Variants in ZNF544 observed in about 807,000 individuals in gnomAD.
ZNF544 encodes the protein zinc finger protein AF020591.
ZNF544 carries 10 observed loss-of-function variants against 13.5 expected under a neutral mutation model. The observed-to-expected ratio is 0.74, with a 90% CI of 0.46 to 1.25. The LOEUF (loss-of-function observed/expected upper bound fraction) is 1.25, where lower values mean the gene tolerates loss of function less well. Ranked by LOEUF, ZNF544 falls within the 50% of genes most tolerant of loss-of-function variation. The pLI, the probability that ZNF544 is intolerant of heterozygous loss-of-function variation, is 0.00. For synonymous variants in ZNF544, 323 were observed against 300.5 expected, an observed-to-expected ratio of 1.07 and a Z score of -0.77; for missense variants, 896 against 845.6, an observed-to-expected ratio of 1.06 and a Z score of -0.74.
Position 58,241,945 on chromosome 19 carries a change from T to TCTC in ZNF544, c.-59-2020_-59-2019insCTC, listed in dbSNP as rs1332683419. Among the ~76,000 whole-genome samples the TCTC allele has an allele frequency of 1.6e-4, 20 of 128,082 alleles. No individual in the cohort carries two copies. In the East Asian group the frequency reaches 6.7e-3, roughly 43 times the overall value. The allele number at this position is 128,082 out of a possible 152,430, so 84.0% of individuals were successfully genotyped here. The stretch of plus-strand genomic sequence containing the variant: ...CTTCTCTCTCTCTCTCTCTCTCTCT[T>TCTC]TGTGCTTGTTCTTGGAGGACTTGAG... On this transcript the variant is annotated intron_variant, in intron 3 of 6. Coordinates refer to ENST00000687789, the MANE Select transcript of ZNF544 (RefSeq NM_014480.4).
At position 58,261,392 on chromosome 19, in the gene ZNF544, A is replaced by G; in HGVS notation, c.786A>G (p.Arg262=). ...GTTCCTCCCTTTGTTTTCATGGTAG[A>G]ACTTTTTCAGTGAAGAAAAGTGATG... The part of the protein sequence containing the change: ...NYGSSLCFHG[R]TFSVKKSDDC... Residue 262 remains arginine (R), a synonymous_variant, in exon 7 of 7, where the codon AGA becomes AGG. Coordinates refer to ENST00000687789, the MANE Select transcript of ZNF544 (RefSeq NM_014480.4). The G allele has an allele frequency of 6.2e-7, 1 of 1,614,174 alleles. No individual in the cohort carries two copies. Among genetic ancestry groups the G allele is most frequent in the South Asian group, 1.1e-5 (1 of 91,084 alleles).
intron 3 of ZNF544, among the ~76,000 whole-genome samples, chr19:58,238,563 C>T (rs2042905809): frequency 6.6e-6 from 1 of 152,108 alleles, no homozygotes; most frequent in Non-Finnish European, 1.5e-5. Flanking sequence ...TCTCACTGCT[C>T]AGTACACGTG....
chr19:58,235,117 A>G (rs942297932), intron 3 of ZNF544, among the ~76,000 whole-genome samples: 12 of 152,236 alleles, frequency 7.9e-5, no homozygotes, highest in African/African-American at 2.9e-4. Flanking sequence ...GAACATCATC[A>G]GTGTGCTTAC....
At chr19:58,249,421 A>G (rs1298870365) in intron 6 of ZNF544, among the ~76,000 whole-genome samples, 1 of 152,168 alleles carries the variant, frequency 6.6e-6, no homozygotes, top group Non-Finnish European at 1.5e-5. Context: ...GGCTGGAAAC[A>G]TTGTCACATG....
At chr19:58,236,541 C>G (rs2042428208) in intron 3 of ZNF544, among the ~76,000 whole-genome samples, 1 of 148,984 alleles carries the variant, frequency 6.7e-6, no homozygotes, top group South Asian at 2.1e-4. Context: ...AACAAACAAA[C>G]AAAAAGCCAT....
chr19:58,273,501 C>T (rs115708404), intron 5 of ZNF544, among the ~76,000 whole-genome samples: 7,147 of 151,816 alleles, frequency 0.047, 425 homozygotes, highest in African/African-American at 0.14. Context: ...CCCGCCTGGC[C>T]AACAGGCCGA....
chr19:58,261,448 A>G lies in ZNF544; in HGVS notation c.842A>G (p.His281Arg). 6.2e-7 allele frequency: 1 copy of G among 1,614,232 alleles called. No homozygotes were observed. Among genetic ancestry groups the G allele is most frequent in the East Asian group, 2.2e-5 (1 of 44,888 alleles). ...DCKDYGNLFS[H>R]SVSLNEQKPV... ...AAGGATTATGGAAACCTCTTCAGTC[A>G]CAGTGTGTCTCTGAATGAACAGAAG... The change falls in exon 7 of 7, where the codon CAC becomes CGC. Residue 281 changes from histidine (H) to arginine (R), a missense_variant. Coordinates refer to ENST00000687789, the MANE Select transcript of ZNF544 (RefSeq NM_014480.4).
rs1041914228 is a variant in ZNF544 at position 58,263,522 on chromosome 19, A to G, written c.*768A>G. 3 of 985,370 alleles carry G rather than the reference A, an allele frequency of 3.0e-6. No individual in the cohort carries two copies. The African/African-American group carries it at 5.2e-5, about 17-fold the overall frequency. 61.0% of individuals were successfully genotyped at this position (985,370 alleles called of 1,614,324 possible). On this transcript the variant is annotated 3_prime_UTR_variant, in exon 7 of 7. Transcript: ENST00000687789. ...CTTGTTTACTAGAAATCAGGTGGCC[A>G]AAACATGACTCTCAGAGTGGGGCTT...
At chr19:58,234,250 G>T (rs190883312) in intron 3 of ZNF544, among the ~76,000 whole-genome samples, 43 of 152,340 alleles carry the variant, frequency 2.8e-4, no homozygotes, top group African/African-American at 1.0e-3. Context: ...ATGGGCCAGG[G>T]TCGTTCCAGT....
chr19:58,276,187 T>C (rs1600444572), intron 5 of ZNF544: 1 of 387,798 alleles, frequency 2.6e-6, no homozygotes. Context: ...AAAAAACAAA[T>C]AAACAACAAA....
At chr19:58,259,034 G>T (rs970339998) in intron 6 of ZNF544, 2 of 152,148 alleles carry the variant, frequency 1.3e-5, no homozygotes, top group African/African-American at 4.8e-5. Flanking sequence ...CACTGTGTGA[G>T]GCTCACATAG....
rs1237366956 is a variant in ZNF544, at chr19:58,262,738, C to A, written c.2132C>A (p.Thr711Asn). The A allele has an allele frequency of 3.1e-6, 5 of 1,601,288 alleles. No individual in the cohort carries two copies. Among genetic ancestry groups the A allele is most frequent in the East Asian group, 2.2e-5 (1 of 44,718 alleles). The stretch of plus-strand genomic sequence containing the variant: ...CTTGTAGTGCATCGGCGGACACATA[C>A]TGGAGAGAAACCTTAGGAGTGCAGT... The part of the protein sequence containing the change: ...SQLVVHRRTH[T>N]GEKP Residue 711 changes from threonine (T) to asparagine (N), a missense_variant, in exon 7 of 7, where the codon ACT (threonine) becomes AAT (asparagine). By Grantham distance (65) the Thr-to-Asn change is moderately conservative. Coordinates refer to ENST00000687789, the MANE Select transcript of ZNF544 (RefSeq NM_014480.4).
chr19:58,235,099 T>C (rs2042105596), intron 3 of ZNF544, among the ~76,000 whole-genome samples: 1 of 152,220 alleles, frequency 6.6e-6, no homozygotes, highest in South Asian at 2.1e-4. Context: ...TAGGTGACTT[T>C]GTTGTGTGAA....
chr19:58,257,038 G>C (rs1464939264), intron 6 of ZNF544, among the ~76,000 whole-genome samples: 1 of 152,022 alleles, frequency 6.6e-6, no homozygotes, highest in African/African-American at 2.4e-5. Context: ...TCTCCTGCCT[G>C]AGCCTCCTGA....
intron 4 of ZNF544, chr19:58,245,672 T>C (rs1416325862): frequency 6.3e-6 from 1 of 158,356 alleles, no homozygotes; most frequent in Non-Finnish European, 1.4e-5. Context: ...GTTTATTCTA[T>C]AGCATTAGCC....
Position 58,261,337 on chromosome 19 carries a change from A to G in ZNF544, c.731A>G (p.Tyr244Cys). 6.2e-7 allele frequency: 1 copy of G among 1,614,126 alleles called. No homozygotes were observed. Among genetic ancestry groups the G allele is most frequent in the Non-Finnish European group, 8.5e-7 (1 of 1,180,036 alleles). Residue 244 changes from tyrosine (Y) to cysteine (C), a missense_variant, in exon 7 of 7, where the codon TAT (tyrosine) becomes TGT (cysteine). Physicochemically the swap from Tyr to Cys is radical, Grantham distance 194. Coordinates refer to ENST00000687789, the MANE Select transcript of ZNF544 (RefSeq NM_014480.4). ...ACAGGAAAGAAAAACCCTTATGAATATATTGTCAGTGGTGACTCTCTCAAC... is the reference window on the plus strand; with the variant it reads ...ACAGGAAAGAAAAACCCTTATGAATGTATTGTCAGTGGTGACTCTCTCAAC... ...VETGKKNPYE[Y>C]IVSGDSLNYG...
At chr19:58,231,451 C>G (rs2041205605) in intron 3 of ZNF544, among the ~76,000 whole-genome samples, 1 of 152,126 alleles carries the variant, frequency 6.6e-6, no homozygotes, top group Non-Finnish European at 1.5e-5. Flanking sequence ...CAGTGCCTGG[C>G]CTGTAGGAAG....
intron 6 of ZNF544, chr19:58,247,674 G>C (rs2045545003): frequency 6.6e-6 from 1 of 152,070 alleles, no homozygotes; most frequent in South Asian, 2.1e-4. Flanking sequence ...GGGATTACAG[G>C]TATGAGCCAC....
chr19:58,276,611 G>A (rs449697), intron 6 of ZNF544, among the ~76,000 whole-genome samples: 37,859 of 152,000 alleles, frequency 0.25, 4,985 homozygotes, highest in East Asian at 0.5. Flanking sequence ...GGGATTACAG[G>A]TGCCCGCCAC....
Sources: allele counts gnomAD v4.1 joint callset (sites outside exome capture counted in the v4.1 genomes callset), GRCh38; gene constraint gnomAD v4.1.1; transcripts MANE v1.5; gene names NCBI Gene and HGNC (gene_info 2026-07-23, HGNC 2026-07-21).